Variants in NRIP1 observed in about 807,000 individuals in gnomAD.
NRIP1 encodes the protein nuclear receptor interacting protein 1, also known as nuclear receptor-interacting protein 1.
In NRIP1, 28 loss-of-function variants were observed where a neutral mutation model predicts 75.0. The ratio of observed to expected loss-of-function variants is 0.37; its 90% CI spans 0.28 to 0.51. NRIP1 has a LOEUF of 0.51. Ranked by LOEUF, NRIP1 falls within the 20% of genes least tolerant of loss-of-function variation. The pLI is 0.92. For missense variants in NRIP1, 1,435 were observed against 1,343.7 expected, an observed-to-expected ratio of 1.07 and a Z score of -1.06; for synonymous variants, 526 against 487.6, an observed-to-expected ratio of 1.08 and a Z score of -1.04.
At chr21:14,997,091 G>C (rs539388031) in intron 3 of NRIP1, among the ~76,000 whole-genome samples, 1 of 151,918 alleles carries the variant, frequency 6.6e-6, no homozygotes, top group East Asian at 1.9e-4. Flanking sequence ...TCGGCATTCA[G>C]ACTTTTAAAG....
At chr21:14,970,776 A>G (rs1218319282) in intron 3 of NRIP1, among the ~76,000 whole-genome samples, 1 of 152,202 alleles carries the variant, frequency 6.6e-6, no homozygotes, top group African/African-American at 2.4e-5. Flanking sequence ...AGAATGAAAT[A>G]AGGAGCATCT....
At position 14,962,117 on chromosome 21, in the gene NRIP1, C is replaced by T. The variant is rs2086609159; in HGVS notation, c.*2599G>A. 6.7e-6 allele frequency: 1 copy of T among 150,016 alleles called. No individual in the cohort carries two copies. The highest frequency in any genetic ancestry group is 2.4e-5 in the African/African-American group (1 of 41,000). The allele number at this position is 150,016 out of a possible 1,614,324, so 9.3% of individuals were successfully genotyped here. A position where few individuals can be genotyped will look rare whatever the true frequency, so the allele number is the denominator to read the frequency against. On this transcript the variant is annotated 3_prime_UTR_variant, in exon 4 of 4. Coordinates refer to ENST00000318948, the MANE Select transcript of NRIP1 (RefSeq NM_003489.4). ...TAAACAGGTAATGAATGCTACCTTA[C>T]TGATGTCAATAAGCTGTAGTACCCT... is the stretch of plus-strand genomic sequence containing the variant.
chr21:15,021,469 G>A (rs1184231010), intron 2 of NRIP1, among the ~76,000 whole-genome samples: 1 of 152,124 alleles, frequency 6.6e-6, no homozygotes. Flanking sequence ...ATGTCCTAAC[G>A]CCGGACTGTG....
intron 3 of NRIP1, among the ~76,000 whole-genome samples, chr21:14,998,041 C>A (rs186849757): frequency 1.4e-3 from 216 of 152,296 alleles, no homozygotes; most frequent in African/African-American, 4.7e-3. Flanking sequence ...AGCCACGTCT[C>A]CAAACCACAC....
intron 1 of NRIP1, among the ~76,000 whole-genome samples, chr21:15,049,453 C>G (rs960708136): frequency 1.2e-4 from 18 of 152,026 alleles, no homozygotes; most frequent in African/African-American, 4.3e-4. Flanking sequence ...AAAGTTAACC[C>G]TACAAATTAT....
chr21:14,981,476 C>T (rs528283389), intron 3 of NRIP1, among the ~76,000 whole-genome samples: 1 of 152,272 alleles, frequency 6.6e-6, no homozygotes, highest in South Asian at 2.1e-4. Context: ...TGGCATGGCA[C>T]CTGCCACTCA....
chr21:15,029,214 A>C (rs899278482), intron 2 of NRIP1, among the ~76,000 whole-genome samples: 5 of 152,158 alleles, frequency 3.3e-5, no homozygotes, highest in Admixed American at 2.6e-4. Flanking sequence ...TTCTGCTAAA[A>C]CATGATATTG....
At chr21:15,040,225 T>C (rs190750055) in intron 2 of NRIP1, among the ~76,000 whole-genome samples, 8 of 152,044 alleles carry the variant, frequency 5.3e-5, no homozygotes, top group Non-Finnish European at 1.0e-4. Context: ...ATGCAAAATA[T>C]CTCATAATTT....
chr21:15,024,586 G>GTGTC (rs2088470229), intron 2 of NRIP1, among the ~76,000 whole-genome samples: 1 of 151,468 alleles, frequency 6.6e-6, no homozygotes, highest in South Asian at 2.1e-4. Context: ...GTGTGTGTGT[G>GTGTC]TGTGTGTGTG....
chr21:15,006,464 G>A (rs1170575446), intron 3 of NRIP1, among the ~76,000 whole-genome samples: 1 of 152,142 alleles, frequency 6.6e-6, no homozygotes, highest in Non-Finnish European at 1.5e-5. Context: ...ATAGTCTGGT[G>A]GAACAAACAG....
chr21:14,971,154 T>C (rs542865772), intron 3 of NRIP1, among the ~76,000 whole-genome samples: 2 of 152,288 alleles, frequency 1.3e-5, no homozygotes, highest in Admixed American at 1.3e-4. Flanking sequence ...CATATACAAA[T>C]AATTTTATTA....
At chr21:14,990,152 G>A (rs927382494) in intron 3 of NRIP1, among the ~76,000 whole-genome samples, 1 of 152,104 alleles carries the variant, frequency 6.6e-6, no homozygotes, top group Non-Finnish European at 1.5e-5. Context: ...CCTAAGAGCT[G>A]CTCCAGAAGG....
At chr21:14,993,721 G>C (rs1168593173) in intron 3 of NRIP1, among the ~76,000 whole-genome samples, 1 of 151,914 alleles carries the variant, frequency 6.6e-6, no homozygotes, top group Non-Finnish European at 1.5e-5. Flanking sequence ...GGAAGTTGAG[G>C]CTGCAGTGAG....
At chr21:14,974,789 G>A (rs150023860) in intron 3 of NRIP1, among the ~76,000 whole-genome samples, 39 of 152,156 alleles carry the variant, frequency 2.6e-4, no homozygotes, top group African/African-American at 9.2e-4. Context: ...GAACTATATT[G>A]TTACTCATTG....
intron 3 of NRIP1, among the ~76,000 whole-genome samples, chr21:15,008,817 A>T (rs2088034660): frequency 1.3e-5 from 2 of 152,188 alleles, no homozygotes; most frequent in Admixed American, 1.3e-4. Context: ...AGAAAAGACT[A>T]CTTTCATACT....
At chr21:14,995,766 C>CGT (rs55916377) in intron 3 of NRIP1, among the ~76,000 whole-genome samples, 25,064 of 149,380 alleles carry the variant, frequency 0.17, 2,271 homozygotes, top group Non-Finnish European at 0.22. Flanking sequence ...GCTGTGTGTG[C>CGT]GTGTGTGTGT....
At chr21:15,005,285 G>C (rs1305961393) in intron 3 of NRIP1, among the ~76,000 whole-genome samples, 1 of 152,050 alleles carries the variant, frequency 6.6e-6, no homozygotes, top group African/African-American at 2.4e-5. Flanking sequence ...CTTTACATGT[G>C]TTCTAATTAA....
chr21:14,966,446 C>T lies in NRIP1; in HGVS notation c.1747G>A (p.Val583Ile), dbSNP rs376510501. ...AGCTTTTCAGACTGAGTACTGCAGA[C>T]ATATGGTGGGGAATTCCATTTGATG... ...LVIKWNSPPY[V>I]CSTQSEKLTN... is the part of the protein sequence containing the mutation. Residue 583 changes from valine to isoleucine, a missense_variant, in exon 4 of 4, where the codon GTC becomes ATC. Transcript: ENST00000318948. 23 of 1,613,902 alleles carry T rather than the reference C, an allele frequency of 1.4e-5. No homozygotes were observed. The highest frequency in any genetic ancestry group is 1.7e-5 in the Non-Finnish European group (20 of 1,179,964).
rs2086618431 is a variant in NRIP1, at chr21:14,962,489, ACT to A, written c.*2225_*2226del. ...TGGTCTTTTCCCTGACCTAAATTTC[ACT>A]CTCTTGTAAAAAGGTCATTTCCCCC... is the stretch of plus-strand genomic sequence containing the variant. On this transcript the variant is annotated 3_prime_UTR_variant, in exon 4 of 4. Transcript: ENST00000318948. 6.6e-6 allele frequency: 1 copy of A among 152,200 alleles called. No individual in the cohort carries two copies. The highest frequency in any genetic ancestry group is 1.5e-5 in the Non-Finnish European group (1 of 67,864). 9.4% of individuals were successfully genotyped at this position (152,200 alleles called of 1,614,324 possible).
Sources: allele counts gnomAD v4.1 joint callset (sites outside exome capture counted in the v4.1 genomes callset), GRCh38; gene constraint gnomAD v4.1.1; transcripts MANE v1.5; gene names NCBI Gene and HGNC (gene_info 2026-07-23, HGNC 2026-07-21).